FGF14: variants seen among roughly 807,000 people sequenced by gnomAD.
FGF14 encodes fibroblast growth factor homologous factor 4.
Under a neutral mutation model 25.5 loss-of-function variants are expected in FGF14, and 5 were observed. That is an observed-to-expected ratio of 0.20 (90% CI 0.10 to 0.41). The LOEUF (loss-of-function observed/expected upper bound fraction) is 0.41, where lower values mean the gene tolerates loss of function less well. FGF14 is among the 10% of genes least tolerant of loss of function. FGF14 has a pLI of 1.00. For synonymous variants in FGF14, 138 were observed against 118.3 expected, an observed-to-expected ratio of 1.17 and a Z score of -1.08; for missense variants, 222 against 320.1, an observed-to-expected ratio of 0.69 and a Z score of 2.34.
At chr13:101,969,408 CA>C (rs151264681) in intron 1 of FGF14, among the ~76,000 whole-genome samples, 3 of 150,644 alleles carry the variant, frequency 2.0e-5, no homozygotes, top group South Asian at 2.1e-4. Flanking sequence ...CTAAAAATAA[CA>C]AAAAAAAAGA....
chr13:102,031,775 G>A (rs1375166706), intron 1 of FGF14, among the ~76,000 whole-genome samples: 1 of 151,908 alleles, frequency 6.6e-6, no homozygotes, highest in Non-Finnish European at 1.5e-5. Context: ...TTTCCTTAAG[G>A]CCAAAAGGGT....
chr13:102,172,392 G>C (rs2048286831), intron 1 of FGF14, among the ~76,000 whole-genome samples: 1 of 152,020 alleles, frequency 6.6e-6, no homozygotes, highest in South Asian at 2.1e-4. Context: ...GACCAAAAAG[G>C]CAGGACTTAA....
intron 1 of FGF14, among the ~76,000 whole-genome samples, chr13:101,981,560 A>G (rs553290988): frequency 2.0e-4 from 30 of 152,308 alleles, no homozygotes; most frequent in Admixed American, 4.6e-4. Context: ...CCAACATACT[A>G]GTAAAGTAAG....
chr13:102,355,869 A>G (rs2057405785), intron 1 of FGF14, among the ~76,000 whole-genome samples: 1 of 152,112 alleles, frequency 6.6e-6, no homozygotes, highest in South Asian at 2.1e-4. Flanking sequence ...AAATAATGCA[A>G]TTATAGATTA....
At chr13:102,267,496 TGAAG>T (rs2053046788) in intron 1 of FGF14, among the ~76,000 whole-genome samples, 2 of 152,160 alleles carry the variant, frequency 1.3e-5, no homozygotes, top group African/African-American at 4.8e-5. Context: ...TTTGGAACAT[TGAAG>T]GACATATGAA....
chr13:102,166,759 G>A (rs2048030439), intron 1 of FGF14, among the ~76,000 whole-genome samples: 1 of 152,144 alleles, frequency 6.6e-6, no homozygotes, highest in Non-Finnish European at 1.5e-5. Context: ...CTAAAATAAG[G>A]CGTCTTCCAA....
At chr13:102,279,475 A>C (rs2053718473) in intron 1 of FGF14, among the ~76,000 whole-genome samples, 1 of 152,176 alleles carries the variant, frequency 6.6e-6, no homozygotes, top group Non-Finnish European at 1.5e-5. Context: ...TTCACGTTCC[A>C]AATTTGAGTT....
At chr13:101,856,062 C>T (rs915075926) in intron 3 of FGF14, among the ~76,000 whole-genome samples, 3 of 151,708 alleles carry the variant, frequency 2.0e-5, no homozygotes, top group African/African-American at 7.3e-5. Flanking sequence ...TCTGTAAAAC[C>T]GTCTTTCAAA....
At chr13:102,101,499 C>A (rs2044661494) in intron 1 of FGF14, among the ~76,000 whole-genome samples, 2 of 152,100 alleles carry the variant, frequency 1.3e-5, no homozygotes, top group South Asian at 4.1e-4. Flanking sequence ...CATTTATGTC[C>A]TTTTTAATTG....
chr13:102,083,067 C>T (rs916864292), intron 1 of FGF14, among the ~76,000 whole-genome samples: 2 of 152,206 alleles, frequency 1.3e-5, no homozygotes, highest in Admixed American at 6.5e-5. Context: ...CACAACCATC[C>T]GTCTAACAAA....
chr13:102,215,894 G>A (rs2140937974), intron 1 of FGF14, among the ~76,000 whole-genome samples: 1 of 152,272 alleles, frequency 6.6e-6, no homozygotes, highest in South Asian at 2.1e-4. Context: ...ATGAGTAGCG[G>A]TTGACTTTGT....
intron 1 of FGF14, among the ~76,000 whole-genome samples, chr13:102,274,709 T>C (rs1410789715): frequency 6.6e-6 from 1 of 151,976 alleles, no homozygotes; most frequent in African/African-American, 2.4e-5. Context: ...TACACATACA[T>C]ACTAAAAGAA....
rs2034788402 is a variant in FGF14, at chr13:101,717,934, CAT to C, written c.*4895_*4896del. 6.6e-6 allele frequency: 1 copy of C among 152,064 alleles called. No homozygotes were observed. Among genetic ancestry groups the C allele is most frequent in the African/African-American group, 2.4e-5 (1 of 41,416 alleles). The allele number at this position is 152,064 out of a possible 1,614,324, so 9.4% of individuals were successfully genotyped here. A position where few individuals can be genotyped will look rare whatever the true frequency, so the allele number is the denominator to read the frequency against. On this transcript the variant is annotated 3_prime_UTR_variant, in exon 5 of 5. Coordinates refer to ENST00000376143, the MANE Select transcript of FGF14 (RefSeq NM_004115.4). ...CTACAACAAAAGTGCTGCTCTTTTT[CAT>C]AGTCTCATGTAAGAAGAGTGTCAAA...
At chr13:102,084,977 C>T (rs1047925632) in intron 1 of FGF14, among the ~76,000 whole-genome samples, 38 of 152,248 alleles carry the variant, frequency 2.5e-4, no homozygotes, top group African/African-American at 8.9e-4. Flanking sequence ...AAAGTTCCCC[C>T]ACAACTCCCA....
intron 1 of FGF14, among the ~76,000 whole-genome samples, chr13:102,231,211 A>C (rs2051069870): frequency 6.6e-6 from 1 of 152,176 alleles, no homozygotes. Context: ...CTGAATTTTA[A>C]ATTAATGGTG....
At chr13:101,909,937 T>C (rs1244966555) in intron 1 of FGF14, among the ~76,000 whole-genome samples, 2 of 152,116 alleles carry the variant, frequency 1.3e-5, no homozygotes, top group East Asian at 3.9e-4. Flanking sequence ...TTAATGTCCT[T>C]TGTAGGGACA....
At chr13:101,956,768 CAAAAAAAA>C (rs372879439) in intron 1 of FGF14, among the ~76,000 whole-genome samples, 3 of 122,588 alleles carry the variant, frequency 2.4e-5, no homozygotes, top group Non-Finnish European at 5.4e-5. Context: ...TTCACTTTAC[CAAAAAAAA>C]AAAAAAAGAA....
At chr13:102,033,526 C>CAT (rs1566598585) in intron 1 of FGF14, among the ~76,000 whole-genome samples, 6 of 152,084 alleles carry the variant, frequency 3.9e-5, no homozygotes, top group African/African-American at 1.4e-4. Context: ...CTCATGCACG[C>CAT]ATACTCAATG....
intron 1 of FGF14, among the ~76,000 whole-genome samples, chr13:102,115,739 A>G (rs2045437708): frequency 6.6e-6 from 1 of 152,132 alleles, no homozygotes; most frequent in Non-Finnish European, 1.5e-5. Flanking sequence ...TTTGCTCAAT[A>G]CCTTGGTGAC....
Sources: allele counts gnomAD v4.1 joint callset (sites outside exome capture counted in the v4.1 genomes callset), GRCh38; gene constraint gnomAD v4.1.1; transcripts MANE v1.5; gene names NCBI Gene and HGNC (gene_info 2026-07-23, HGNC 2026-07-21).